The following UTP18 variants were observed in gnomAD, a reference collection of about 807,000 sequenced individuals.
UTP18 encodes the protein UTP18 small subunit processome component.
UTP18 carries 36 observed loss-of-function variants against 61.1 expected under a neutral mutation model. That is an observed-to-expected ratio of 0.59 (90% CI 0.45 to 0.78). The LOEUF is 0.78. Ranked by LOEUF, UTP18 falls within the 30% of genes least tolerant of loss-of-function variation. The pLI is 0.00. For missense variants in UTP18, 753 were observed against 693.9 expected (o/e 1.09, Z -0.96); for synonymous variants, 282 against 251.1 (o/e 1.12, Z -1.16).
intron 12 of UTP18, 157 bp from the exon 13 acceptor site, chr17:51,296,808 G>A (rs1039736925): frequency 1.5e-5 from 9 of 620,622 alleles, no homozygotes; most frequent in Non-Finnish European, 2.4e-5. Context: ...CCTCCAGAAT[G>A]TCAGATTGAG....
In UTP18 at chr17:51,260,752, G is replaced by A. The variant is rs1412305642; in HGVS notation, c.168G>A (p.Ala56=). 2 of 1,581,858 alleles carry A rather than the reference G, an allele frequency of 1.3e-6. No individual in the cohort carries two copies. Among genetic ancestry groups the A allele is most frequent in the Non-Finnish European group, 1.7e-6 (2 of 1,165,064 alleles). The part of the protein sequence containing the change: ...SQRKPPARPS[A]AAAAIAVAAA... ...GGAAACCGCCGGCCCGGCCGAGCGCGGCGGCCGCTGCGATTGCAGTCGCGG... is the reference window on the plus strand; with the variant it reads ...GGAAACCGCCGGCCCGGCCGAGCGCAGCGGCCGCTGCGATTGCAGTCGCGG... The change falls in exon 1 of 14, where the codon GCG becomes GCA. Residue 56 remains alanine (A), a synonymous_variant. Transcript: ENST00000225298.
At chr17:51,283,333 A>G (rs1468750835) in intron 9 of UTP18, among the ~76,000 whole-genome samples, 3 of 150,790 alleles carry the variant, frequency 2.0e-5, no homozygotes, top group African/African-American at 7.3e-5. Context: ...CACATCGGCT[A>G]ATTTTTGTAT....
At chr17:51,290,384 C>T (rs1905211696) in intron 11 of UTP18, among the ~76,000 whole-genome samples, 1 of 152,098 alleles carries the variant, frequency 6.6e-6, no homozygotes. Flanking sequence ...CCTCTGTACT[C>T]CAGCCTGGGT....
chr17:51,291,013 A>G (rs1000152256), intron 11 of UTP18, among the ~76,000 whole-genome samples: 1 of 152,226 alleles, frequency 6.6e-6, no homozygotes, highest in Admixed American at 6.6e-5. Context: ...GTAGAACGTC[A>G]TGGAACTTTC....
At chr17:51,268,763 A>G (rs1054136614) in intron 3 of UTP18, 74 bp from the exon 4 acceptor site, 12 of 1,242,588 alleles carry the variant, frequency 9.7e-6, no homozygotes, top group Non-Finnish European at 1.3e-5. Context: ...TTCAACGTAT[A>G]TGCTTTAAAT....
chr17:51,276,768 T>A (rs770240450), intron 6 of UTP18, among the ~76,000 whole-genome samples: 2 of 152,222 alleles, frequency 1.3e-5, no homozygotes, highest in Non-Finnish European at 2.9e-5. Context: ...GTCCAGTTCA[T>A]GTAGTTTGGA....
chr17:51,284,322 T>C lies in UTP18; in HGVS notation c.1205-923T>C, dbSNP rs561124250. ...ACGTAAAATAGTGAGGATCCACTTT[T>C]GAGATGGATGTAGGGTCATTAGAGT... is the stretch of plus-strand genomic sequence containing the variant. On this transcript the variant is annotated intron_variant, in intron 9 of 13. Transcript: ENST00000225298. Among the ~76,000 whole-genome samples the C allele has an allele frequency of 6.4e-4, 98 of 152,258 alleles. 1 individual carries two copies. The South Asian group carries it at 0.01, about 16-fold the overall frequency.
At chr17:51,295,025 C>G (rs1186579191) in intron 12 of UTP18, among the ~76,000 whole-genome samples, 1 of 151,732 alleles carries the variant, frequency 6.6e-6, no homozygotes, top group South Asian at 2.1e-4. Flanking sequence ...CTGTTCATAT[C>G]CTTCGCCCAC....
intron 4 of UTP18, among the ~76,000 whole-genome samples, chr17:51,269,915 G>A (rs2144402713): frequency 6.6e-6 from 1 of 151,988 alleles, no homozygotes; most frequent in East Asian, 1.9e-4. Flanking sequence ...GAGTGCAGTG[G>A]GGCAATCTCA....
intron 9 of UTP18, among the ~76,000 whole-genome samples, chr17:51,284,357 G>A (rs967846543): frequency 1.3e-5 from 2 of 152,070 alleles, no homozygotes; most frequent in African/African-American, 4.8e-5. Flanking sequence ...TAAACTATTT[G>A]TGCTTATTCG....
intron 13 of UTP18, among the ~76,000 whole-genome samples, chr17:51,297,342 G>T (rs981295336): frequency 2.0e-5 from 3 of 152,184 alleles, no homozygotes; most frequent in Non-Finnish European, 4.4e-5. Context: ...GCTATAGCTT[G>T]TATGAGCTTG....
intron 12 of UTP18, among the ~76,000 whole-genome samples, chr17:51,294,889 G>A (rs1269512766): frequency 3.3e-5 from 5 of 152,192 alleles, no homozygotes; most frequent in African/African-American, 9.6e-5. Flanking sequence ...TTTAATGATC[G>A]CCATTCTAAC....
chr17:51,293,725 A>G (rs1344050530), intron 11 of UTP18, among the ~76,000 whole-genome samples, 178 bp from the exon 12 acceptor site: 1 of 152,182 alleles, frequency 6.6e-6, no homozygotes, highest in East Asian at 1.9e-4. Context: ...AAATAAAGTA[A>G]TAAAAAAAGA....
At chr17:51,292,573 C>G (rs962283033) in intron 11 of UTP18, among the ~76,000 whole-genome samples, 1 of 152,218 alleles carries the variant, frequency 6.6e-6, no homozygotes, top group Non-Finnish European at 1.5e-5. Flanking sequence ...GGTATAAAGT[C>G]TGACCTAGAA....
chr17:51,296,302 C>T (rs1052533985), intron 12 of UTP18: 1 of 152,130 alleles, frequency 6.6e-6, no homozygotes, highest in Non-Finnish European at 1.5e-5. Flanking sequence ...TGTTTGTATG[C>T]TTTAGGGAAT....
chr17:51,295,456 A>G (rs1905343362), intron 12 of UTP18, among the ~76,000 whole-genome samples: 1 of 152,244 alleles, frequency 6.6e-6, no homozygotes, highest in Non-Finnish European at 1.5e-5. Flanking sequence ...TTAAATAGGC[A>G]ATCCTTTCCC....
intron 3 of UTP18, among the ~76,000 whole-genome samples, chr17:51,267,644 A>G (rs1398517766): frequency 6.6e-6 from 1 of 151,948 alleles, no homozygotes; most frequent in East Asian, 1.9e-4. Context: ...TCAATTACGT[A>G]TTTTGGTGAG....
chr17:51,272,075 A>G (rs1009666792), intron 4 of UTP18, among the ~76,000 whole-genome samples: 4 of 152,094 alleles, frequency 2.6e-5, no homozygotes, highest in African/African-American at 4.8e-5. Flanking sequence ...TCTTAAATAT[A>G]TTAAACATAG....
At chr17:51,264,376 G>C (rs571174831) in intron 2 of UTP18, among the ~76,000 whole-genome samples, 1 of 152,000 alleles carries the variant, frequency 6.6e-6, no homozygotes, top group Non-Finnish European at 1.5e-5. Flanking sequence ...GATTATTTCA[G>C]CATTAATGTT....
Sources: gnomAD v4.1 joint callset for allele counts (sites outside exome capture counted in the v4.1 genomes callset) on GRCh38, gnomAD v4.1.1 for gene constraint, MANE v1.5 for transcripts, NCBI Gene and HGNC (gene_info 2026-07-23, HGNC 2026-07-21) for gene names.